The following ADGRL2 variants were observed in gnomAD, a reference collection of about 807,000 sequenced individuals.
The protein encoded by ADGRL2 is calcium-independent alpha-latrotoxin receptor 2.
ADGRL2 carries 44 observed loss-of-function variants against 157.4 expected under a neutral mutation model. The ratio of observed to expected loss-of-function variants is 0.28; its 90% CI spans 0.22 to 0.36. The LOEUF is 0.36. Among genes scored for constraint, ADGRL2 ranks in the 10% least tolerant of loss-of-function variants. The pLI, the probability that ADGRL2 is intolerant of heterozygous loss-of-function variation, is 1.00. For missense variants in ADGRL2, 1,510 were observed against 1,768.9 expected (o/e 0.85, Z 2.63); for synonymous variants, 585 against 624.7 (o/e 0.94, Z 0.95).
chr1:81,760,840 G>A (rs1414974804), intron 1 of ADGRL2, among the ~76,000 whole-genome samples: 3 of 150,742 alleles, frequency 2.0e-5, no homozygotes, highest in Non-Finnish European at 3.0e-5. Flanking sequence ...TACATTAAGA[G>A]CTTGCATTAA....
In ADGRL2 at chr1:81,950,205, G is replaced by A; in HGVS notation, c.1227G>A (p.Val409=). Residue 409 remains valine (V), a synonymous_variant, in exon 7 of 24, where the codon GTG becomes GTA. Coordinates refer to ENST00000686636, the MANE Select transcript of ADGRL2 (RefSeq NM_001366006.2). ...PDPAQVPTTA[V]TITSSAELFK... ...TTTCCATAGTGCCTACCACAGCTGT[G>A]ACAATAACTTCTTCAGCTGAGCTGT... 6.2e-7 allele frequency: 1 copy of A among 1,613,802 alleles called. No individual in the cohort carries two copies. Among genetic ancestry groups the A allele is most frequent in the Non-Finnish European group, 8.5e-7 (1 of 1,179,808 alleles).
At chr1:81,403,226 TTG>T (rs2076788335) in intron 1 of ADGRL2, among the ~76,000 whole-genome samples, 2 of 53,356 alleles carry the variant, frequency 3.7e-5, no homozygotes, top group Non-Finnish European at 1.3e-4. Context: ...ACACTTTTCC[TTG>T]TTTTTTTTTT....
At chr1:81,916,947 A>G (rs2094869842) in intron 3 of ADGRL2, among the ~76,000 whole-genome samples, 1 of 151,942 alleles carries the variant, frequency 6.6e-6, no homozygotes, top group Non-Finnish European at 1.5e-5. Flanking sequence ...TGTATTGACT[A>G]ATTTTATTGA....
At chr1:81,554,789 G>T (rs904264067) in intron 2 of ADGRL2, among the ~76,000 whole-genome samples, 3 of 151,960 alleles carry the variant, frequency 2.0e-5, no homozygotes, top group Non-Finnish European at 4.4e-5. Context: ...GGATTTGTTG[G>T]TGTCAGGCTG....
intron 1 of ADGRL2, among the ~76,000 whole-genome samples, chr1:81,331,027 C>T (rs80295431): frequency 0.017 from 2,638 of 152,196 alleles, 58 homozygotes; most frequent in South Asian, 0.052. Flanking sequence ...TATTTGCATG[C>T]CCCATAGTGC....
At chr1:81,369,290 G>T (rs759647489) in intron 1 of ADGRL2, among the ~76,000 whole-genome samples, 1 of 152,124 alleles carries the variant, frequency 6.6e-6, no homozygotes. Flanking sequence ...GAACCCAGCA[G>T]TTGGGAGGTT....
intron 16 of ADGRL2, 60 bp downstream of exon 16, chr1:81,970,594 G>A: frequency 1.5e-6 from 2 of 1,332,472 alleles, no homozygotes; most frequent in Non-Finnish European, 1.1e-6. Flanking sequence ...AAGCCTGTTA[G>A]CTGTCAGTGA....
At chr1:81,348,378 A>G (rs1421413909) in intron 1 of ADGRL2, among the ~76,000 whole-genome samples, 1 of 152,200 alleles carries the variant, frequency 6.6e-6, no homozygotes, top group East Asian at 1.9e-4. Context: ...GGTAATCAGA[A>G]TCTACTTTTT....
chr1:81,633,749 A>G (rs2082059570), intron 3 of ADGRL2, among the ~76,000 whole-genome samples: 1 of 152,046 alleles, frequency 6.6e-6, no homozygotes. Context: ...CATCTAATCC[A>G]TCGTTAAGTC....
intron 2 of ADGRL2, among the ~76,000 whole-genome samples, chr1:81,562,166 A>T (rs954033174): frequency 1.3e-5 from 2 of 152,194 alleles, no homozygotes; most frequent in Admixed American, 1.3e-4. Context: ...GAAGATAGGG[A>T]TTATATGAGT....
rs1190799987 is a variant in ADGRL2 at position 81,411,869 on chromosome 1, G to A, written c.-301-33167G>A. 2.8e-5 allele frequency among the ~76,000 whole-genome samples: 4 copies of A among 143,266 alleles called. No individual in the cohort carries two copies. The East Asian group carries it at 8.1e-4, about 29-fold the overall frequency. 94.0% of individuals were successfully genotyped at this position (143,266 alleles called of 152,430 possible). On this transcript the variant is annotated intron_variant, in intron 1 of 24. Coordinates refer to the ADGRL2 transcript ENST00000370721. ...CACTCCAGCCTGGGCAACAAAGCGAGACTCCGTCTTAAAAAAAAAAAAAAA... is the reference window on the plus strand; with the variant it reads ...CACTCCAGCCTGGGCAACAAAGCGAAACTCCGTCTTAAAAAAAAAAAAAAA...
At chr1:81,937,894 A>G (rs1421889936) in intron 4 of ADGRL2, among the ~76,000 whole-genome samples, 1 of 151,826 alleles carries the variant, frequency 6.6e-6, no homozygotes, top group East Asian at 1.9e-4. Context: ...ATTCTGATAG[A>G]TCTGCTGTGT....
At chr1:81,468,119 T>C (rs537167831) in intron 2 of ADGRL2, among the ~76,000 whole-genome samples, 1 of 152,262 alleles carries the variant, frequency 6.6e-6, no homozygotes, top group Admixed American at 6.5e-5. Context: ...ATAAGTATTG[T>C]TTTTCTAGGG....
chr1:81,463,331 A>G lies in ADGRL2; in HGVS notation c.-248+18242A>G, dbSNP rs1008516864. ...GTGAAATAGACATAAATTTTTTGAC[A>G]TTTAAACCAAGCAGAAGAGTGTAGA... On this transcript the variant is annotated intron_variant, in intron 2 of 24. Coordinates refer to the ADGRL2 transcript ENST00000370721. Among the ~76,000 whole-genome samples the G allele has an allele frequency of 5.9e-5, 9 of 151,854 alleles. No homozygotes were observed. The East Asian group carries it at 1.6e-3, about 26-fold the overall frequency.
chr1:81,492,099 T>G (rs1296355957), intron 2 of ADGRL2, among the ~76,000 whole-genome samples: 1 of 152,208 alleles, frequency 6.6e-6, no homozygotes, highest in Non-Finnish European at 1.5e-5. Flanking sequence ...AAGGAGTATG[T>G]GCAATAATTT....
chr1:81,463,584 C>T (rs944273849), intron 2 of ADGRL2, among the ~76,000 whole-genome samples: 1 of 152,172 alleles, frequency 6.6e-6, no homozygotes, highest in African/African-American at 2.4e-5. Flanking sequence ...GCCTCTTTCA[C>T]TCCTCAGTGG....
At chr1:81,970,615 C>G (rs746932149) in intron 16 of ADGRL2, 81 bp downstream of exon 16, 19 of 1,001,892 alleles carry the variant, frequency 1.9e-5, no homozygotes, top group Non-Finnish European at 2.6e-5. Flanking sequence ...GGGTCCCTGA[C>G]AGATTAAAAT....
At chr1:81,989,597 G>A in intron 23 of ADGRL2, 1 of 1,465,266 alleles carries the variant, frequency 6.8e-7, no homozygotes, top group Non-Finnish European at 9.5e-7. Context: ...AAGTTGCTGA[G>A]AAGCTTAGAA....
chr1:81,368,244 C>T (rs1168460619), intron 1 of ADGRL2, among the ~76,000 whole-genome samples: 1 of 152,132 alleles, frequency 6.6e-6, no homozygotes, highest in Non-Finnish European at 1.5e-5. Context: ...GATGGTATCT[C>T]ATTGTGGTTT....
Sources: gnomAD v4.1 joint callset for allele counts (sites outside exome capture counted in the v4.1 genomes callset) on GRCh38, gnomAD v4.1.1 for gene constraint, MANE v1.5 for transcripts, NCBI Gene and HGNC (gene_info 2026-07-23, HGNC 2026-07-21) for gene names.